Variants in SLC39A11 observed in about 807,000 individuals in gnomAD.
SLC39A11 encodes the protein solute carrier family 39 member 11.
A neutral mutation model predicts 36.1 loss-of-function variants in SLC39A11; 33 were observed. That is an observed-to-expected ratio of 0.91 (90% CI 0.69 to 1.22). The LOEUF is 1.22. Among genes scored for constraint, SLC39A11 ranks in the 50% most tolerant of loss-of-function variants. SLC39A11 has a pLI of 0.00. For synonymous variants in SLC39A11, 166 were observed against 170.3 expected (o/e 0.97, Z 0.20); for missense variants, 432 against 430.3 (o/e 1.00, Z -0.03).
chr17:72,898,717 C>T (rs2082157242), intron 5 of SLC39A11, among the ~76,000 whole-genome samples: 1 of 152,258 alleles, frequency 6.6e-6, no homozygotes, highest in Non-Finnish European at 1.5e-5. Context: ...CACGTAGACA[C>T]TCATATAGAT....
chr17:72,689,207 G>A (rs1292339743), intron 7 of SLC39A11, among the ~76,000 whole-genome samples: 1 of 152,232 alleles, frequency 6.6e-6, no homozygotes, highest in Non-Finnish European at 1.5e-5. Context: ...GCGTTAATAA[G>A]TGGTTCTAAA....
At chr17:72,798,232 C>T (rs145659371) in intron 6 of SLC39A11, among the ~76,000 whole-genome samples, 5 of 152,000 alleles carry the variant, frequency 3.3e-5, no homozygotes, top group South Asian at 2.1e-4. Flanking sequence ...GTACCACAGA[C>T]GGAGGGGCTT....
At position 73,006,993 on chromosome 17, in the gene SLC39A11, G is replaced by C. The variant is rs117650738; in HGVS notation, c.306+24563C>G. 1.4e-3 allele frequency among the ~76,000 whole-genome samples: 219 copies of C among 152,298 alleles called. No individual in the cohort carries two copies. The East Asian group carries it at 0.015, about 10-fold the overall frequency. ...AGGGCCCCTCCGTGTCAGGCTCTGT[G>C]CCAGGCGCTGGGGATGCAGAGGCAA... is the stretch of plus-strand genomic sequence containing the variant. On this transcript the variant is annotated intron_variant, in intron 4 of 9. Transcript: ENST00000255559.
At chr17:72,755,125 T>C (rs1056556901) in intron 6 of SLC39A11, among the ~76,000 whole-genome samples, 21 of 151,972 alleles carry the variant, frequency 1.4e-4, no homozygotes, top group Non-Finnish European at 2.5e-4. Context: ...TGAACAGGGA[T>C]GGTGAGGGAA....
At chr17:73,030,502 C>T (rs2058704358) in intron 4 of SLC39A11, among the ~76,000 whole-genome samples, 1 of 152,194 alleles carries the variant, frequency 6.6e-6, no homozygotes, top group East Asian at 1.9e-4. Context: ...TTCAACCTAC[C>T]TACCTCCCGG....
intron 5 of SLC39A11, among the ~76,000 whole-genome samples, chr17:72,859,092 T>C (rs554395567): frequency 6.6e-6 from 1 of 152,374 alleles, no homozygotes; most frequent in South Asian, 2.1e-4. Context: ...AGGGAATTGC[T>C]TCCACCTTTT....
chr17:72,862,961 C>T lies in SLC39A11; in HGVS notation c.431-13157G>A, dbSNP rs187973353. On this transcript the variant is annotated intron_variant, in intron 5 of 9. Coordinates refer to ENST00000255559, the MANE Select transcript of SLC39A11 (RefSeq NM_139177.4). ...ATGCAAAAACAAAACACAAAACAAA[C>T]GACAAGAAAACCCCACAAAAGCACT... Among the ~76,000 whole-genome samples the T allele has an allele frequency of 4.8e-3, 724 of 152,238 alleles. 5 individuals are homozygous for T. Among genetic ancestry groups the T allele is most frequent in the African/African-American group, 0.016 (675 of 41,538 alleles).
chr17:73,044,193 C>G (rs940903941), intron 3 of SLC39A11, among the ~76,000 whole-genome samples: 22 of 152,138 alleles, frequency 1.4e-4, no homozygotes, highest in Non-Finnish European at 2.2e-4. Flanking sequence ...CATTCCTCTC[C>G]TTGTTCCCCA....
intron 6 of SLC39A11, among the ~76,000 whole-genome samples, chr17:72,768,622 G>A (rs2144661596): frequency 6.6e-6 from 1 of 152,204 alleles, no homozygotes; most frequent in East Asian, 1.9e-4. Flanking sequence ...TCCACCCTCT[G>A]GGCCCCACAT....
At chr17:72,907,481 G>A (rs904087281) in intron 5 of SLC39A11, among the ~76,000 whole-genome samples, 1 of 152,144 alleles carries the variant, frequency 6.6e-6, no homozygotes, top group African/African-American at 2.4e-5. Context: ...CAGAGTGACG[G>A]AGCGAGACTC....
intron 3 of SLC39A11, among the ~76,000 whole-genome samples, chr17:73,053,443 C>T (rs2059573569): frequency 6.6e-6 from 1 of 152,134 alleles, no homozygotes; most frequent in Admixed American, 6.6e-5. Context: ...ATGTGTCTCC[C>T]ACCCATTTTA....
At chr17:72,988,157 A>C (rs2088900603) in intron 4 of SLC39A11, among the ~76,000 whole-genome samples, 2 of 152,204 alleles carry the variant, frequency 1.3e-5, no homozygotes, top group South Asian at 4.1e-4. Flanking sequence ...TCTTTATTTT[A>C]AAGTGTACAA....
intron 5 of SLC39A11, among the ~76,000 whole-genome samples, chr17:72,859,222 A>G (rs1004646153): frequency 1.3e-4 from 20 of 152,248 alleles, no homozygotes; most frequent in African/African-American, 4.8e-4. Flanking sequence ...TTTTGTAATC[A>G]GTGCACACAA....
In SLC39A11 at chr17:72,706,961, T is replaced by G. The variant is rs567574091; in HGVS notation, c.671+29689A>C. Among the ~76,000 whole-genome samples the G allele has an allele frequency of 2.9e-4, 44 of 152,342 alleles. No homozygotes were observed. In the South Asian group the frequency reaches 9.1e-3, roughly 32 times the overall value. On this transcript the variant is annotated intron_variant, in intron 7 of 9. Transcript: ENST00000255559. Reference sequence around the variant, plus strand: ...TAGAACCACTGCTCTAGGGCCGGGCTCTATCCAATATGGTAGCCATGGGTT... The same window carrying G: ...TAGAACCACTGCTCTAGGGCCGGGCGCTATCCAATATGGTAGCCATGGGTT...
In SLC39A11 at chr17:73,058,183, C is replaced by T. The variant is rs183692306; in HGVS notation, c.148-26469G>A. Among the ~76,000 whole-genome samples the T allele has an allele frequency of 4.4e-4, 67 of 152,162 alleles. 1 individual carries two copies. Among genetic ancestry groups the T allele is most frequent in the Non-Finnish European group, 1.5e-4 (10 of 68,014 alleles). On this transcript the variant is annotated intron_variant, in intron 3 of 9. Transcript: ENST00000255559. The stretch of plus-strand genomic sequence containing the variant: ...CACCATTTTGTCTTCACCAGGCTTG[C>T]GTGTTTGTTTGTCTTGGCAAATAAT...
chr17:72,755,167 C>T (rs1012426467), intron 6 of SLC39A11, among the ~76,000 whole-genome samples: 12 of 152,176 alleles, frequency 7.9e-5, no homozygotes, highest in Admixed American at 3.9e-4. Flanking sequence ...GGTTTGAACC[C>T]GGCTTTCAAA....
At chr17:72,813,680 C>T (rs2077497751) in intron 6 of SLC39A11, among the ~76,000 whole-genome samples, 1 of 152,228 alleles carries the variant, frequency 6.6e-6, no homozygotes, top group Admixed American at 6.5e-5. Context: ...AAAAGCCCAT[C>T]ATAGCACTGC....
At chr17:72,777,273 CAGGA>C (rs2076167915) in intron 6 of SLC39A11, among the ~76,000 whole-genome samples, 1 of 152,126 alleles carries the variant, frequency 6.6e-6, no homozygotes, top group African/African-American at 2.4e-5. Context: ...GGGACTGGGG[CAGGA>C]AGGGAGTTAC....
In SLC39A11 at chr17:73,012,002, C is replaced by T. The variant is rs180784991; in HGVS notation, c.306+19554G>A. Among the ~76,000 whole-genome samples, 101 of 149,540 alleles carry T rather than the reference C, an allele frequency of 6.8e-4. 1 individual carries two copies. The highest frequency in any genetic ancestry group is 1.3e-3 in the African/African-American group (55 of 40,808). Reference sequence around the variant, plus strand: ...TAAATGACTGAAAGATGGCCAGGTGCGGTGGTTCACTCCTATAATCCCAGC... The same window carrying T: ...TAAATGACTGAAAGATGGCCAGGTGTGGTGGTTCACTCCTATAATCCCAGC... On this transcript the variant is annotated intron_variant, in intron 4 of 9. Transcript: ENST00000255559.
Sources: gnomAD v4.1 joint callset for allele counts (sites outside exome capture counted in the v4.1 genomes callset) on GRCh38, gnomAD v4.1.1 for gene constraint, MANE v1.5 for transcripts, NCBI Gene and HGNC (gene_info 2026-07-23, HGNC 2026-07-21) for gene names.